Variants in PXDNL observed in about 807,000 individuals in gnomAD.
The protein encoded by PXDNL is peroxidasin like.
Under a neutral mutation model 150.8 loss-of-function variants are expected in PXDNL, and 145 were observed. That is an observed-to-expected ratio of 0.96 (90% CI 0.84 to 1.10). PXDNL has a LOEUF of 1.10. Ranked by LOEUF, PXDNL falls within the 50% of genes least tolerant of loss-of-function variation. The pLI is 0.00. For synonymous variants in PXDNL, 757 were observed against 725.7 expected (o/e 1.04, Z -0.69); for missense variants, 2,087 against 1,873.9 (o/e 1.11, Z -2.10).
chr8:51,754,735 C>A (rs1044003368), intron 1 of PXDNL, among the ~76,000 whole-genome samples: 6 of 152,120 alleles, frequency 3.9e-5, no homozygotes, highest in Non-Finnish European at 8.8e-5. Context: ...GATCTCCTGA[C>A]CTCATGATCT....
At chr8:51,797,814 G>GA (rs1397974646) in intron 1 of PXDNL, among the ~76,000 whole-genome samples, 9 of 151,518 alleles carry the variant, frequency 5.9e-5, no homozygotes, top group East Asian at 5.8e-4. Flanking sequence ...CACAGAGTTA[G>GA]AAAAAAAACT....
At position 51,617,543 on chromosome 8, in the gene PXDNL, G is replaced by C. The variant is rs73678926; in HGVS notation, c.237-24845C>G. On this transcript the variant is annotated intron_variant, in intron 2 of 22. Coordinates refer to ENST00000356297, the MANE Select transcript of PXDNL (RefSeq NM_144651.5). ...TTCACATGCGCCACATAGAGGCTGG[G>C]AAGCTTAGAGAAATATGACTTCGAA... Among the ~76,000 whole-genome samples the C allele has an allele frequency of 6.4e-3, 974 of 152,326 alleles. 14 individuals are homozygous for C. The highest frequency in any genetic ancestry group is 0.022 in the African/African-American group (913 of 41,576).
chr8:51,539,596 G>C (rs1399558009), intron 4 of PXDNL, among the ~76,000 whole-genome samples: 1 of 151,618 alleles, frequency 6.6e-6, no homozygotes, highest in East Asian at 1.9e-4. Flanking sequence ...GTTTTGTTTT[G>C]TTTTTTTAAT....
intron 1 of PXDNL, among the ~76,000 whole-genome samples, chr8:51,752,833 C>T (rs868589524): frequency 7.9e-5 from 12 of 152,210 alleles, no homozygotes; most frequent in African/African-American, 2.9e-4. Flanking sequence ...TTGGTGGTCA[C>T]CTCTCAGCTC....
At chr8:51,790,668 G>C (rs2037503214) in intron 1 of PXDNL, among the ~76,000 whole-genome samples, 1 of 151,952 alleles carries the variant, frequency 6.6e-6, no homozygotes, top group African/African-American at 2.4e-5. Context: ...TCCCTGATGG[G>C]CGAGGGAAGG....
At chr8:51,568,505 T>C (rs7822698) in intron 3 of PXDNL, among the ~76,000 whole-genome samples, 3,669 of 151,958 alleles carry the variant, frequency 0.024, 159 homozygotes, top group African/African-American at 0.083. Context: ...AGGTAAGGTG[T>C]TTTTACCCCT....
intron 1 of PXDNL, among the ~76,000 whole-genome samples, chr8:51,717,190 T>C (rs4873580): frequency 0.97 from 148,063 of 152,300 alleles, 72,114 homozygotes; most frequent in East Asian, 1. Flanking sequence ...ATCTGTCTCT[T>C]CCTTTTAAAA....
At chr8:51,483,900 C>T (rs1810662375) in intron 5 of PXDNL, among the ~76,000 whole-genome samples, 186 bp from the exon 6 acceptor site, 1 of 152,090 alleles carries the variant, frequency 6.6e-6, no homozygotes, top group Admixed American at 6.5e-5. Flanking sequence ...CTCTATCTAC[C>T]ACTACTATAT....
At chr8:51,735,552 T>TC (rs1817019518) in intron 1 of PXDNL, among the ~76,000 whole-genome samples, 1 of 134,314 alleles carries the variant, frequency 7.4e-6, no homozygotes, top group African/African-American at 3.0e-5. Flanking sequence ...TTTTTTTTTT[T>TC]TTTTTTTTTT....
chr8:51,717,349 G>A (rs1171936461), intron 1 of PXDNL, among the ~76,000 whole-genome samples: 1 of 152,126 alleles, frequency 6.6e-6, no homozygotes, highest in Admixed American at 6.5e-5. Context: ...AGCTGGAAAG[G>A]GGGAAAAACC....
intron 20 of PXDNL, among the ~76,000 whole-genome samples, chr8:51,343,971 C>G (rs1806068808): frequency 6.6e-6 from 1 of 152,192 alleles, no homozygotes; most frequent in Non-Finnish European, 1.5e-5. Context: ...AAATATATTT[C>G]ATTTCCTCAC....
chr8:51,442,543 T>A (rs1284812549), intron 12 of PXDNL, among the ~76,000 whole-genome samples: 2 of 152,108 alleles, frequency 1.3e-5, no homozygotes, highest in African/African-American at 4.8e-5. Flanking sequence ...TATTCAGACC[T>A]ATGTTATGAA....
intron 1 of PXDNL, among the ~76,000 whole-genome samples, chr8:51,774,538 G>A (rs1215938972): frequency 2.0e-5 from 3 of 152,168 alleles, no homozygotes; most frequent in Non-Finnish European, 4.4e-5. Flanking sequence ...AAATTAGGGG[G>A]CTGAGCACAG....
chr8:51,678,196 G>A lies in PXDNL; in HGVS notation c.165-23436C>T, dbSNP rs77298532. 5.0e-3 allele frequency among the ~76,000 whole-genome samples: 766 copies of A among 152,280 alleles called. 3 individuals carry two copies. The highest frequency in any genetic ancestry group is 0.017 in the African/African-American group (719 of 41,556). On this transcript the variant is annotated intron_variant, in intron 1 of 22. Coordinates refer to ENST00000356297, the MANE Select transcript of PXDNL (RefSeq NM_144651.5). The stretch of plus-strand genomic sequence containing the variant: ...GTATAAGGAGAAGTAGGAGGCATAT[G>A]GTGGATCTTCAAGAACCAAACTTGA...
In PXDNL at chr8:51,409,573, G is replaced by C. The variant is rs980426792; in HGVS notation, c.2063-12C>G. 2 of 1,544,282 alleles carry C rather than the reference G, an allele frequency of 1.3e-6. No homozygotes were observed. The highest frequency in any genetic ancestry group is 2.8e-5 in the African/African-American group (2 of 72,068). On this transcript the variant is annotated splice_polypyrimidine_tract_variant and intron_variant, in intron 16 of 22. Coordinates refer to ENST00000356297, the MANE Select transcript of PXDNL (RefSeq NM_144651.5). ...ATTGTACCGGAATTCTGAAAGGCAA[G>C]CGGCGAAAGCCGTGAGGAGGGCGGG...
intron 1 of PXDNL, among the ~76,000 whole-genome samples, chr8:51,675,385 A>G (rs1333189452): frequency 1.3e-5 from 2 of 152,158 alleles, no homozygotes; most frequent in African/African-American, 4.8e-5. Context: ...CAGAAGACAC[A>G]GCAACAAGGC....
chr8:51,341,378 A>G (rs955323405), intron 20 of PXDNL, among the ~76,000 whole-genome samples: 1 of 152,184 alleles, frequency 6.6e-6, no homozygotes, highest in African/African-American at 2.4e-5. Context: ...TACTAAATAT[A>G]AATATATTCA....
intron 1 of PXDNL, among the ~76,000 whole-genome samples, chr8:51,752,180 A>T (rs1410891758): frequency 1.3e-5 from 2 of 152,104 alleles, no homozygotes; most frequent in Non-Finnish European, 2.9e-5. Context: ...AGCCTCAGTA[A>T]ATTTACTTAA....
chr8:51,586,315 C>G lies in PXDNL; in HGVS notation c.308+6312G>C, dbSNP rs574892947. Among the ~76,000 whole-genome samples, 47 of 152,240 alleles carry G rather than the reference C, an allele frequency of 3.1e-4. 1 individual carries two copies. The highest frequency in any genetic ancestry group is 2.1e-3 in the South Asian group (10 of 4,816). ...CCAGCTAATACTGAGAAATTGCCAG[C>G]TATGTGAAAAAAGTCATTCTAGACC... On this transcript the variant is annotated intron_variant, in intron 3 of 22. Transcript: ENST00000356297.
Sources: allele counts gnomAD v4.1 joint callset (sites outside exome capture counted in the v4.1 genomes callset), GRCh38; gene constraint gnomAD v4.1.1; transcripts MANE v1.5; gene names NCBI Gene and HGNC (gene_info 2026-07-23, HGNC 2026-07-21).